WIPF3: variants seen among roughly 807,000 people sequenced by gnomAD.
The protein encoded by WIPF3 is WAS/WASL interacting protein family member 3.
In WIPF3, 33 loss-of-function variants were observed where a neutral mutation model predicts 38.9. The ratio of observed to expected loss-of-function variants is 0.85; its 90% confidence interval spans 0.64 to 1.14. WIPF3 has a LOEUF of 1.14. WIPF3 is among the 50% of genes most tolerant of loss of function. The pLI is 0.00. For synonymous variants in WIPF3, 324 were observed against 269.3 expected, an observed-to-expected ratio of 1.20 and a Z score of -1.99; for missense variants, 711 against 652.5, an observed-to-expected ratio of 1.09 and a Z score of -0.98.
At chr7:29,862,454 T>G (rs1583607841) in intron 2 of WIPF3, among the ~76,000 whole-genome samples, 1 of 152,156 alleles carries the variant, frequency 6.6e-6, no homozygotes, top group East Asian at 1.9e-4. Context: ...GCCTGGTCAT[T>G]TGTTGGCCTG....
intron 4 of WIPF3, 107 bp from the exon 5 acceptor site, chr7:29,883,743 C>T: frequency 7.0e-7 from 1 of 1,418,616 alleles, no homozygotes. Context: ...AAGCGGTCTA[C>T]AGTGCAGCTC....
chr7:29,895,782 G>T lies in WIPF3; in HGVS notation c.1351+6375G>T, dbSNP rs79976714. ...CCACACACTTAACCAGATCTTGCAA[G>T]AATTCACTATCTCCAGGACAGCATC... On this transcript the variant is annotated intron_variant, in intron 7 of 8. Coordinates refer to ENST00000242140, the MANE Select transcript of WIPF3 (RefSeq NM_001080529.3). 4.7e-3 allele frequency among the ~76,000 whole-genome samples: 711 copies of T among 152,284 alleles called. 20 individuals are homozygous for T. The East Asian group carries it at 0.057, about 12-fold the overall frequency.
intron 2 of WIPF3, among the ~76,000 whole-genome samples, chr7:29,859,206 T>G (rs1194121181): frequency 6.6e-6 from 1 of 152,132 alleles, no homozygotes; most frequent in Non-Finnish European, 1.5e-5. Flanking sequence ...AGGCGAAGAA[T>G]TCGTTCCATG....
At chr7:29,831,874 T>A (rs535362748) in intron 1 of WIPF3, among the ~76,000 whole-genome samples, 1 of 152,130 alleles carries the variant, frequency 6.6e-6, no homozygotes, top group Non-Finnish European at 1.5e-5. Flanking sequence ...CAGAACTCAG[T>A]CTCGTGGTCA....
intron 1 of WIPF3, among the ~76,000 whole-genome samples, chr7:29,827,653 C>T (rs1784645391): frequency 6.6e-6 from 1 of 152,050 alleles, no homozygotes; most frequent in African/African-American, 2.4e-5. Context: ...AGTGAGAAAT[C>T]ATTATTCTCC....
chr7:29,873,731 G>A (rs1785537774), intron 2 of WIPF3, among the ~76,000 whole-genome samples: 1 of 152,098 alleles, frequency 6.6e-6, no homozygotes, highest in African/African-American at 2.4e-5. Flanking sequence ...CCCTCTCAGG[G>A]GTTCAAAAGC....
chr7:29,904,217 T>C (rs942541190), intron 7 of WIPF3, 69 bp from the exon 8 acceptor site: 2 of 1,496,460 alleles, frequency 1.3e-6, no homozygotes, highest in Admixed American at 1.7e-5. Context: ...TTAGAGAAAG[T>C]TTCTCTGTGA....
chr7:29,915,187 A>G lies in WIPF3; in HGVS notation c.*671A>G, dbSNP rs1370343776. On this transcript the variant is annotated 3_prime_UTR_variant, in exon 9 of 9. Transcript: ENST00000242140. ...TGCCAACCACAGGGCCCCTTTTGTA[A>G]CTGAATAATCCTCCAAGTAGCCAGT... 1 of 146,166 alleles carries G rather than the reference A, an allele frequency of 6.8e-6. No homozygotes were observed. Among genetic ancestry groups the G allele is most frequent in the African/African-American group, 2.5e-5 (1 of 39,566 alleles). 9.1% of individuals were successfully genotyped at this position (146,166 alleles called of 1,614,324 possible).
intron 7 of WIPF3, among the ~76,000 whole-genome samples, chr7:29,893,605 G>C (rs1224453450): frequency 6.6e-6 from 1 of 152,160 alleles, no homozygotes; most frequent in Non-Finnish European, 1.5e-5. Flanking sequence ...GCTGAGGGGG[G>C]AGGTAAGGAA....
intron 8 of WIPF3, among the ~76,000 whole-genome samples, chr7:29,910,054 T>C (rs952805519): frequency 5.9e-5 from 9 of 152,180 alleles, no homozygotes; most frequent in African/African-American, 2.2e-4. Flanking sequence ...AATAATTTAA[T>C]GGTGCAGTTT....
At chr7:29,887,822 G>C (rs1262092054) in intron 5 of WIPF3, among the ~76,000 whole-genome samples, 1 of 152,120 alleles carries the variant, frequency 6.6e-6, no homozygotes, top group Non-Finnish European at 1.5e-5. Flanking sequence ...CAGTAACCCT[G>C]GGAAGTGGGT....
intron 1 of WIPF3, among the ~76,000 whole-genome samples, chr7:29,815,215 T>C (rs901421786): frequency 5.3e-5 from 8 of 151,960 alleles, no homozygotes; most frequent in African/African-American, 1.7e-4. Context: ...TATTTGGAAA[T>C]ACACAGTCAG....
intron 2 of WIPF3, among the ~76,000 whole-genome samples, chr7:29,850,817 G>C (rs953801174): frequency 2.6e-5 from 4 of 152,102 alleles, no homozygotes; most frequent in African/African-American, 7.3e-5. Flanking sequence ...GAGCTAGAAA[G>C]AAAAGGCCAC....
chr7:29,877,524 G>T (rs1474229188), intron 3 of WIPF3, among the ~76,000 whole-genome samples: 5 of 152,106 alleles, frequency 3.3e-5, no homozygotes, highest in African/African-American at 1.2e-4. Flanking sequence ...CTGTGTTAAT[G>T]GTATGCCATA....
At chr7:29,819,190 A>G (rs536718696) in intron 1 of WIPF3, among the ~76,000 whole-genome samples, 1 of 149,758 alleles carries the variant, frequency 6.7e-6, no homozygotes, top group Admixed American at 6.6e-5. Flanking sequence ...ATCTTTGACA[A>G]CTTTCACTAT....
At chr7:29,858,249 C>T (rs1452302942) in intron 2 of WIPF3, among the ~76,000 whole-genome samples, 1 of 152,186 alleles carries the variant, frequency 6.6e-6, no homozygotes, top group Non-Finnish European at 1.5e-5. Context: ...CTTGTGACTT[C>T]CAGATGCTTC....
intron 2 of WIPF3, among the ~76,000 whole-genome samples, chr7:29,857,760 A>T (rs768645597): frequency 5.9e-5 from 9 of 152,158 alleles, no homozygotes; most frequent in Non-Finnish European, 1.2e-4. Flanking sequence ...TGTATATGTG[A>T]TTTAATTTTT....
chr7:29,898,086 G>T (rs1022181006), intron 7 of WIPF3, among the ~76,000 whole-genome samples: 3 of 152,154 alleles, frequency 2.0e-5, no homozygotes, highest in Non-Finnish European at 4.4e-5. Context: ...ACCATGGTAA[G>T]CGCTCTTACC....
chr7:29,842,565 C>T (rs935561459), intron 2 of WIPF3, among the ~76,000 whole-genome samples: 10 of 152,162 alleles, frequency 6.6e-5, no homozygotes, highest in African/African-American at 1.2e-4. Context: ...CATGATTCCT[C>T]GGCAAAGTGG....
Sources: allele counts gnomAD v4.1 joint callset (sites outside exome capture counted in the v4.1 genomes callset), GRCh38; gene constraint gnomAD v4.1.1; transcripts MANE v1.5; gene names NCBI Gene and HGNC (gene_info 2026-07-23, HGNC 2026-07-21).